Variants in RAD51C observed in about 807,000 individuals in gnomAD.
RAD51C encodes the protein DNA repair protein RAD51 homolog 3.
In RAD51C, 42 loss-of-function variants were observed where a neutral mutation model predicts 45.0. The ratio of observed to expected loss-of-function variants is 0.93; its 90% CI spans 0.73 to 1.21. RAD51C has a LOEUF of 1.21. Among genes scored for constraint, RAD51C ranks in the 50% most tolerant of loss-of-function variants. The probability of loss-of-function intolerance (pLI) is 0.00; values close to 1 mark genes in which losing one functional copy is unlikely to be tolerated. For missense variants in RAD51C, 474 were observed against 452.2 expected, an observed-to-expected ratio of 1.05 and a Z score of -0.44; for synonymous variants, 172 against 159.8, an observed-to-expected ratio of 1.08 and a Z score of -0.58.
intron 7 of RAD51C, 66 bp from the exon 8 acceptor site, chr17:58,732,418 G>T (rs2144042668): frequency 7.4e-7 from 1 of 1,346,900 alleles, no homozygotes; most frequent in South Asian, 1.2e-5. Context: ...AATGAGTTTG[G>T]TCATCTGAAC....
intron 7 of RAD51C, among the ~76,000 whole-genome samples, chr17:58,726,389 GTATGTATATATGTGTATATATATAGATTA>G (rs1009387305): frequency 1.3e-5 from 2 of 148,820 alleles, no homozygotes; most frequent in Middle Eastern, 3.7e-3. Context: ...ATATATACGT[GTATGTATATATGTGTATATATATAGATTA>G]TATGTATATA....
intron 8 of RAD51C, 101 bp downstream of exon 8, chr17:58,732,645 A>C: frequency 9.0e-7 from 1 of 1,113,806 alleles, no homozygotes; most frequent in Admixed American, 1.7e-5. Flanking sequence ...GTAGGCAGCA[A>C]GCATATTTGA....
chr17:58,728,068 CTG>C (rs1444856108), intron 7 of RAD51C, among the ~76,000 whole-genome samples: 1 of 151,692 alleles, frequency 6.6e-6, no homozygotes, highest in Admixed American at 6.6e-5. Context: ...TATGGGGAAA[CTG>C]TGTCTCTACT....
At chr17:58,706,885 G>A (rs916688278) in intron 4 of RAD51C, among the ~76,000 whole-genome samples, 4 of 152,070 alleles carry the variant, frequency 2.6e-5, no homozygotes, top group African/African-American at 7.2e-5. Flanking sequence ...TTGTTCAACC[G>A]TACCTTTGGT....
In RAD51C at chr17:58,696,760, A is replaced by G. The variant is rs771888635; in HGVS notation, c.472A>G (p.Ile158Val). The G allele has an allele frequency of 6.2e-7, 1 of 1,611,498 alleles. No individual in the cohort carries two copies. Among genetic ancestry groups the G allele is most frequent in the Non-Finnish European group, 8.5e-7 (1 of 1,178,680 alleles). The change falls in exon 3 of 9, where the codon ATT (isoleucine) becomes GTT (valine). Residue 158 changes from isoleucine to valine, a missense_variant. Physicochemically the swap from Ile to Val is conservative, Grantham distance 29. Coordinates refer to ENST00000337432, the MANE Select transcript of RAD51C (RefSeq NM_058216.3). ...FGGVAGEAVF[I>V]DTEGSFMVDR... is the part of the protein sequence containing the mutation. ...AGGAGTGGCAGGTGAAGCAGTTTTT[A>G]TTGATACAGAGGGAAGTTTTATGGT...
Position 58,692,766 on chromosome 17 carries a change from G to T in RAD51C, c.123G>T (p.Val41=). The T allele has an allele frequency of 6.2e-7, 1 of 1,614,236 alleles. No individual in the cohort carries two copies. Among genetic ancestry groups the T allele is most frequent in the Non-Finnish European group, 8.5e-7 (1 of 1,180,040 alleles). ...AGACTGCTGAGGAACTCCTAGAGGTGAAACCCTCCGAGCTTAGCAAAGGTA... is the reference window on the plus strand; with the variant it reads ...AGACTGCTGAGGAACTCCTAGAGGTTAAACCCTCCGAGCTTAGCAAAGGTA... ...GFQTAEELLE[V]KPSELSKEVG... is the part of the protein sequence containing the mutation. Residue 41 remains valine, a synonymous_variant, in exon 1 of 9, where the codon GTG becomes GTT. Transcript: ENST00000337432.
intron 4 of RAD51C, among the ~76,000 whole-genome samples, chr17:58,705,509 T>A (rs150500340): frequency 0.011 from 1,697 of 152,016 alleles, 36 homozygotes; most frequent in African/African-American, 0.039. Flanking sequence ...AATTTTTGTA[T>A]TTTTAGTAGA....
At chr17:58,693,875 AT>A (rs1364302674) in intron 1 of RAD51C, 1 of 152,136 alleles carries the variant, frequency 6.6e-6, no homozygotes, top group Non-Finnish European at 1.5e-5. Context: ...TCTTGATAGG[AT>A]TTTCATTTCC....
intron 5 of RAD51C, among the ~76,000 whole-genome samples, chr17:58,711,133 A>G (rs1397531878): frequency 6.6e-6 from 1 of 152,128 alleles, no homozygotes; most frequent in Non-Finnish European, 1.5e-5. Flanking sequence ...GCCTTTTGTT[A>G]ATATCAGTGA....
chr17:58,732,359 C>T, intron 7 of RAD51C, 125 bp from the exon 8 acceptor site: 2 of 784,280 alleles, frequency 2.6e-6, no homozygotes, highest in South Asian at 3.5e-5. Flanking sequence ...TTTTTGTGTT[C>T]TTAGAGAAAA....
intron 3 of RAD51C, 59 bp downstream of exon 3, chr17:58,696,918 C>G (rs2048038356): frequency 6.4e-7 from 1 of 1,568,344 alleles, no homozygotes. Context: ...TGCATTTGTG[C>G]CCATCTGAGA....
intron 8 of RAD51C, 129 bp from the exon 9 acceptor site, chr17:58,733,989 T>C: frequency 7.1e-7 from 1 of 1,405,470 alleles, no homozygotes; most frequent in Non-Finnish European, 9.6e-7. Flanking sequence ...GTGCTGGGAT[T>C]ACAGGTGTGA....
intron 3 of RAD51C, among the ~76,000 whole-genome samples, chr17:58,697,226 A>G (rs1264519745): frequency 6.6e-6 from 1 of 152,228 alleles, no homozygotes; most frequent in Non-Finnish European, 1.5e-5. Context: ...GTTTTCCAAA[A>G]ACCAAAGGTA....
At position 58,704,439 on chromosome 17, in the gene RAD51C, A is replaced by ATTTT. The variant is rs879696109; in HGVS notation, c.705+1122_705+1125dup. Among the ~76,000 whole-genome samples, 452 of 142,994 alleles carry ATTTT rather than the reference A, an allele frequency of 3.2e-3. 4 individuals carry two copies. The highest frequency in any genetic ancestry group is 5.5e-3 in the Non-Finnish European group (355 of 64,888). The allele number at this position is 142,994 out of a possible 152,430, so 93.8% of individuals were successfully genotyped here. A position where few individuals can be genotyped will look rare whatever the true frequency, so the allele number is the denominator to read the frequency against. Reference sequence around the variant, plus strand: ...AGGCATGCGCCACAACGCCTGGCTAATTTTTTTTTTTTTTTATATTTTTGG... The same window carrying ATTTT: ...AGGCATGCGCCACAACGCCTGGCTAATTTTTTTTTTTTTTTTTTTATATTTTTGG... On this transcript the variant is annotated intron_variant, in intron 4 of 8. Transcript: ENST00000337432.
chr17:58,695,768 ATC>A (rs981766127), intron 2 of RAD51C, among the ~76,000 whole-genome samples: 1 of 148,838 alleles, frequency 6.7e-6, no homozygotes, highest in Non-Finnish European at 1.5e-5. Context: ...GTGAGACCCT[ATC>A]TCAAAAAAAA....
Position 58,734,200 on chromosome 17 carries a change from G to A in RAD51C, c.1109G>A (p.Arg370Gln), listed in dbSNP as rs373170458. Residue 370 changes from arginine to glutamine, a missense_variant, in exon 9 of 9, where the codon CGA becomes CAA. By Grantham distance (43) the Arg-to-Gln change is conservative. Coordinates refer to ENST00000337432, the MANE Select transcript of RAD51C (RefSeq NM_058216.3). The stretch of plus-strand genomic sequence containing the variant: ...TCCTTGAGCACCCGGAAACGGTCAC[G>A]AGACCCAGAGGAAGAATTATAACCC... ...EGSLSTRKRSRDPEEEL is the reference protein window; with the variant it reads ...EGSLSTRKRSQDPEEEL 1.7e-5 allele frequency: 27 copies of A among 1,612,444 alleles called. No individual in the cohort carries two copies. Among genetic ancestry groups the A allele is most frequent in the East Asian group, 4.5e-5 (2 of 44,874 alleles).
In RAD51C at chr17:58,696,864, G is replaced by A. The variant is rs145779113; in HGVS notation, c.571+5G>A. ...CAGAAAAACACAAGGGAGAGGGTAA[G>A]TTAGTAAATGATCTTCTTTTTTTCT... On this transcript the variant is annotated splice_donor_5th_base_variant and intron_variant, in intron 3 of 8. Transcript: ENST00000337432. The A allele has an allele frequency of 5.6e-6, 9 of 1,613,882 alleles. No individual in the cohort carries two copies. In the East Asian group the frequency reaches 2.0e-4, roughly 36 times the overall value.
intron 4 of RAD51C, among the ~76,000 whole-genome samples, chr17:58,704,992 G>A (rs1299407849): frequency 1.3e-5 from 2 of 151,636 alleles, no homozygotes; most frequent in Admixed American, 6.6e-5. Context: ...TTAGCCTGGT[G>A]TGTTGGCATG....
rs535407022 is a variant in RAD51C, at chr17:58,724,929, T to C, written c.965+829T>C. ...ACATATTGGGCCTAGCCAGTGAAAA[T>C]GTCTATTTTTTAATCTATATTTCTT... On this transcript the variant is annotated intron_variant, in intron 7 of 8. Transcript: ENST00000337432. Among the ~76,000 whole-genome samples, 14 of 152,256 alleles carry C rather than the reference T, an allele frequency of 9.2e-5. No homozygotes were observed. The South Asian group carries it at 2.5e-3, about 27-fold the overall frequency.
Sources: gnomAD v4.1 joint callset for allele counts (sites outside exome capture counted in the v4.1 genomes callset) on GRCh38, gnomAD v4.1.1 for gene constraint, MANE v1.5 for transcripts, NCBI Gene and HGNC (gene_info 2026-07-23, HGNC 2026-07-21) for gene names.